The following BSN variants were observed in gnomAD, a reference collection of about 807,000 sequenced individuals.
BSN encodes the protein protein bassoon.
BSN carries 57 observed loss-of-function variants against 264.8 expected under a neutral mutation model. The ratio of observed to expected loss-of-function variants is 0.22; its 90% CI spans 0.17 to 0.27. BSN has a LOEUF of 0.27. BSN is among the 10% of genes least tolerant of loss of function. The pLI, the probability that BSN is intolerant of heterozygous loss-of-function variation, is 1.00. For missense variants in BSN, 4,615 were observed against 5,232.5 expected (o/e 0.88, Z 3.64); for synonymous variants, 2,059 against 2,137.3 (o/e 0.96, Z 1.01).
chr3:49,564,777 G>T (rs544986427), intron 1 of BSN, among the ~76,000 whole-genome samples: 2 of 152,242 alleles, frequency 1.3e-5, no homozygotes, highest in East Asian at 3.9e-4. Flanking sequence ...TGACAGCTAC[G>T]GTTGGATTGG....
At chr3:49,627,975 G>A (rs986615358) in intron 2 of BSN, among the ~76,000 whole-genome samples, 3 of 152,180 alleles carry the variant, frequency 2.0e-5, no homozygotes, top group African/African-American at 7.2e-5. Flanking sequence ...GCTGAGCCTG[G>A]TTGAGGAGGT....
rs1247098100 is a variant in BSN, at chr3:49,643,041, A to G, written c.1407A>G (p.Gln469=). Residue 469 remains glutamine, a synonymous_variant, in exon 3 of 12, where the codon CAA becomes CAG. Transcript: ENST00000296452. The part of the protein sequence containing the change: ...PKERAICPLC[Q]AELNVGSKSP... ...AAAGGGCCATCTGCCCACTGTGCCA[A>G]GCCGAGCTCAACGTGGGCAGCAAGA... is the stretch of plus-strand genomic sequence containing the variant. 2 of 1,614,070 alleles carry G rather than the reference A, an allele frequency of 1.2e-6. No homozygotes were observed. Among genetic ancestry groups the G allele is most frequent in the Non-Finnish European group, 1.7e-6 (2 of 1,180,028 alleles).
chr3:49,647,878 C>A (rs1437556891), intron 3 of BSN, among the ~76,000 whole-genome samples: 1 of 152,208 alleles, frequency 6.6e-6, no homozygotes, highest in Non-Finnish European at 1.5e-5. Context: ...TCCCCACTCC[C>A]AGAGGGCTTG....
At position 49,625,881 on chromosome 3, in the gene BSN, G is replaced by A. The variant is rs2108058664; in HGVS notation, c.633+498G>A. Among the ~76,000 whole-genome samples the A allele has an allele frequency of 6.6e-6, 1 of 152,310 alleles. No individual in the cohort carries two copies. Among genetic ancestry groups the A allele is most frequent in the Middle Eastern group, 3.4e-3 (1 of 294 alleles). On this transcript the variant is annotated intron_variant, in intron 2 of 11. Coordinates refer to ENST00000296452, the MANE Select transcript of BSN (RefSeq NM_003458.4). This position sits in a 1 kb window ranked among gnomAD's most constrained non-coding sequence, Gnocchi z 4.4. ...GGAAACTGCCTTCCAGCTGGGCTCT[G>A]GGAAGCACCTCTTCTTGGCTTTAGT...
chr3:49,575,604 CAT>C (rs1056490413), intron 1 of BSN, among the ~76,000 whole-genome samples: 36 of 140,898 alleles, frequency 2.6e-4, no homozygotes, highest in South Asian at 8.8e-4. Flanking sequence ...AATATATATA[CAT>C]ATATATGTGT....
chr3:49,623,949 G>A (rs1030136615), intron 1 of BSN, among the ~76,000 whole-genome samples: 24 of 152,178 alleles, frequency 1.6e-4, no homozygotes, highest in Admixed American at 1.6e-3. Context: ...TATGTAATTC[G>A]ACTGAGGTGC....
chr3:49,614,537 C>G (rs12185979), intron 1 of BSN, among the ~76,000 whole-genome samples: 9,258 of 152,234 alleles, frequency 0.061, 407 homozygotes, highest in Non-Finnish European at 0.089. Context: ...TGGTCTCTTT[C>G]TAGAATTTGG....
rs888706524 is a variant in BSN at position 49,651,549 on chromosome 3, G to C, written c.1993G>C (p.Val665Leu). Residue 665 changes from valine (V) to leucine (L), a missense_variant, in exon 5 of 12, where the codon GTG becomes CTG. This residue lies in a region of BSN where 1,197 missense variants were observed against 1,348.0 expected (regional missense o/e 0.89). Coordinates refer to ENST00000296452, the MANE Select transcript of BSN (RefSeq NM_003458.4). The surrounding 1 kb of genome is among the most constrained non-coding windows in gnomAD (Gnocchi z 5.4). The stretch of plus-strand genomic sequence containing the variant: ...GCTTTTCACCCTGCTGCAGGACCTG[G>C]TGGGCAAGCCTTACTCTCAGGATGC... The part of the protein sequence containing the change: ...APKGGEAEDL[V>L]GKPYSQDASR... The C allele has an allele frequency of 6.4e-7, 1 of 1,559,874 alleles. No homozygotes were observed. Among genetic ancestry groups the C allele is most frequent in the Admixed American group, 1.8e-5 (1 of 54,072 alleles).
chr3:49,648,674 G>A (rs1373680400), intron 3 of BSN, among the ~76,000 whole-genome samples: 2 of 152,190 alleles, frequency 1.3e-5, no homozygotes, highest in Non-Finnish European at 1.5e-5. Flanking sequence ...CTCTGGGGGT[G>A]CACCCTGCCA....
intron 1 of BSN, among the ~76,000 whole-genome samples, chr3:49,582,284 G>A (rs1218954740): frequency 6.6e-6 from 1 of 152,142 alleles, no homozygotes; most frequent in Admixed American, 6.5e-5. Context: ...TTAGAGAAAT[G>A]TCTGTTCAAG....
intron 1 of BSN, among the ~76,000 whole-genome samples, chr3:49,601,415 T>G (rs930355543): frequency 2.0e-5 from 3 of 152,176 alleles, no homozygotes; most frequent in African/African-American, 7.2e-5. Context: ...CTCCCTTCCT[T>G]TCCAAGGTTT....
At chr3:49,650,437 G>A (rs982920442) in intron 3 of BSN, among the ~76,000 whole-genome samples, 175 bp from the exon 4 acceptor site, 3 of 152,146 alleles carry the variant, frequency 2.0e-5, no homozygotes, top group African/African-American at 7.2e-5. Flanking sequence ...TTAAAGGTAG[G>A]GGAATTTGTT....
Position 49,668,358 on chromosome 3 carries a change from C to T in BSN, c.*873C>T, listed in dbSNP as rs2052728223. On this transcript the variant is annotated 3_prime_UTR_variant, in exon 12 of 12. Transcript: ENST00000296452. ...GATTTCTTTTGATTTCAAGAACAGC[C>T]TTAATCATTCCAGTTTGATTTACGT... 1 of 152,686 alleles carries T rather than the reference C, an allele frequency of 6.5e-6. No individual in the cohort carries two copies. Among genetic ancestry groups the T allele is most frequent in the Non-Finnish European group, 1.5e-5 (1 of 68,058 alleles). 9.5% of individuals were successfully genotyped at this position (152,686 alleles called of 1,614,324 possible). A position where few individuals can be genotyped will look rare whatever the true frequency, so the allele number is the denominator to read the frequency against.
chr3:49,578,408 C>G (rs1051009171), intron 1 of BSN, among the ~76,000 whole-genome samples: 1 of 75,418 alleles, frequency 1.3e-5, no homozygotes, highest in Admixed American at 2.0e-4. Flanking sequence ...ACCAAAGCTA[C>G]AGTTTTTTTT....
At chr3:49,635,176 G>A (rs1381841105) in intron 2 of BSN, among the ~76,000 whole-genome samples, 1 of 152,202 alleles carries the variant, frequency 6.6e-6, no homozygotes, top group Non-Finnish European at 1.5e-5. Context: ...AAACAGGCAG[G>A]TTGGGATGGA....
In BSN at chr3:49,651,855, A is replaced by G; in HGVS notation, c.2299A>G (p.Thr767Ala). Residue 767 changes from threonine (T) to alanine (A), a missense_variant, in exon 5 of 12, where the codon ACG becomes GCG. Physicochemically the swap from Thr to Ala is moderately conservative, Grantham distance 58. Transcript: ENST00000296452. The surrounding 1 kb of genome is among the most constrained non-coding windows in gnomAD (Gnocchi z 5.4). ...GCAGCGGCCCCACTCCTTGTCCATCACGCCTGAGGCCTTTGACTCTGATGA... is the reference window on the plus strand; with the variant it reads ...GCAGCGGCCCCACTCCTTGTCCATCGCGCCTGAGGCCTTTGACTCTGATGA... ...QKQRPHSLSI[T>A]PEAFDSDEEL... is the part of the protein sequence containing the mutation. The G allele has an allele frequency of 6.2e-7, 1 of 1,613,958 alleles. No individual in the cohort carries two copies. The highest frequency in any genetic ancestry group is 1.1e-5 in the South Asian group (1 of 91,076).
Position 49,642,585 on chromosome 3 carries a change from C to A in BSN, c.951C>A (p.Pro317=). The A allele has an allele frequency of 6.2e-7, 1 of 1,605,816 alleles. No individual in the cohort carries two copies. The stretch of plus-strand genomic sequence containing the variant: ...CCACCAAGCCTTCCACAGCTGAGCC[C>A]AGGCCACCTGCAGGAGAGGCCCCGG... ...PQPTKPSTAE[P]RPPAGEAPAK... The change falls in exon 3 of 12, where the codon CCC becomes CCA. Residue 317 remains proline (P), a synonymous_variant. Coordinates refer to ENST00000296452, the MANE Select transcript of BSN (RefSeq NM_003458.4). The surrounding 1 kb of genome is among the most constrained non-coding windows in gnomAD (Gnocchi z 7.0).
intron 1 of BSN, among the ~76,000 whole-genome samples, chr3:49,589,033 G>A (rs1442233489): frequency 2.6e-5 from 4 of 151,054 alleles, no homozygotes; most frequent in East Asian, 1.9e-4. Flanking sequence ...TCCTGCCTCA[G>A]CCTCCCGAGT....
intron 1 of BSN, among the ~76,000 whole-genome samples, chr3:49,608,109 G>C (rs1471255543): frequency 1.3e-5 from 2 of 152,218 alleles, no homozygotes; most frequent in Non-Finnish European, 2.9e-5. Context: ...TAGTGGAATT[G>C]TCCACAGGGA....
Sources: allele counts gnomAD v4.1 joint callset (sites outside exome capture counted in the v4.1 genomes callset), GRCh38; gene constraint gnomAD v4.1.1; regional missense constraint gnomAD v4.1.1; non-coding constraint Gnocchi (gnomAD v3.1); transcripts MANE v1.5; gene names NCBI Gene and HGNC (gene_info 2026-07-23, HGNC 2026-07-21).